Variants in MIS18A observed in about 807,000 individuals in gnomAD.
MIS18A encodes MIS18 kinetochore protein A.
MIS18A carries 14 observed loss-of-function variants against 25.0 expected under a neutral mutation model. The ratio of observed to expected loss-of-function variants is 0.56; its 90% CI spans 0.37 to 0.88. MIS18A has a LOEUF of 0.88. MIS18A is among the 40% of genes least tolerant of loss of function. The pLI, the probability that MIS18A is intolerant of heterozygous loss-of-function variation, is 0.00. For synonymous variants in MIS18A, 134 were observed against 118.6 expected (o/e 1.13, Z -0.84); for missense variants, 292 against 290.8 (o/e 1.00, Z -0.03).
intron 1 of MIS18A, among the ~76,000 whole-genome samples, chr21:32,275,571 T>C (rs2031794236): frequency 1.3e-5 from 2 of 152,066 alleles, no homozygotes; most frequent in African/African-American, 4.8e-5. Flanking sequence ...GCAGCAAACA[T>C]TCCCAAAGAA....
In MIS18A at chr21:32,270,438, AGT is replaced by A; in HGVS notation, c.491_492del (p.Asp164ValfsTer7). The A allele has an allele frequency of 1.9e-6, 3 of 1,613,958 alleles. No individual in the cohort carries two copies. Among genetic ancestry groups the A allele is most frequent in the Non-Finnish European group, 2.5e-6 (3 of 1,179,952 alleles). On this transcript the variant is annotated frameshift_variant, in exon 3 of 5. Transcript: ENST00000290130. LOFTEE classifies it high-confidence loss of function. ...CTPKNLDYKR[D>X]LFCLSVEAIE... ...ATGGCTTCAACACTGAGGCAAAACA[AGT>A]CTCTCTTGTAATCAAGATTCTTGGG...
the MIS18A span, among the ~76,000 whole-genome samples, chr21:32,231,180 G>C: frequency 6.7e-6 from 1 of 149,864 alleles, no homozygotes; most frequent in Non-Finnish European, 1.5e-5. Flanking sequence ...AGGTTGCAGT[G>C]AGCCAAGATT....
At chr21:32,216,526 G>A in the MIS18A span, among the ~76,000 whole-genome samples, 1 of 152,220 alleles carries the variant, frequency 6.6e-6, no homozygotes, top group Non-Finnish European at 1.5e-5. Flanking sequence ...GATAGCAGTT[G>A]GGGCAAATAA....
At chr21:32,165,338 A>G in the MIS18A span, among the ~76,000 whole-genome samples, 1 of 152,126 alleles carries the variant, frequency 6.6e-6, no homozygotes, top group Non-Finnish European at 1.5e-5. Flanking sequence ...ATAGAAGCCC[A>G]AATTGAGAGA....
intron 1 of MIS18A, among the ~76,000 whole-genome samples, chr21:32,275,837 T>G (rs958581830): frequency 2.6e-5 from 4 of 152,004 alleles, no homozygotes; most frequent in African/African-American, 7.2e-5. Context: ...CTCACAAACT[T>G]CACTCCAGCC....
At chr21:32,253,636 T>C in the MIS18A span, among the ~76,000 whole-genome samples, 1 of 152,012 alleles carries the variant, frequency 6.6e-6, no homozygotes, top group African/African-American at 2.4e-5. Flanking sequence ...CTGCCCCCAC[T>C]GCAATCACAC....
the MIS18A span, among the ~76,000 whole-genome samples, chr21:32,169,793 G>T: frequency 6.6e-6 from 1 of 152,006 alleles, no homozygotes; most frequent in Non-Finnish European, 1.5e-5. Context: ...AGCTTTAGTG[G>T]CCACACACAA....
chr21:32,244,006 A>G, the MIS18A span, among the ~76,000 whole-genome samples: 2 of 152,282 alleles, frequency 1.3e-5, no homozygotes, highest in South Asian at 4.1e-4. Context: ...AAAACTGGAA[A>G]CCACCCAGAT....
the MIS18A span, among the ~76,000 whole-genome samples, chr21:32,228,608 ACACACACACATG>A: frequency 6.6e-6 from 1 of 152,072 alleles, no homozygotes; most frequent in African/African-American, 2.4e-5. Flanking sequence ...CCTAAGGAAT[ACACACACACATG>A]CACACACACC....
chr21:32,222,927 TC>T, the MIS18A span, among the ~76,000 whole-genome samples: 3 of 98,126 alleles, frequency 3.1e-5, no homozygotes, highest in Admixed American at 4.1e-4. Context: ...AGAACAAGAC[TC>T]CGTCTCAAAA....
At chr21:32,164,734 CTGAACAAAATTATA>C in the MIS18A span, among the ~76,000 whole-genome samples, 1 of 151,792 alleles carries the variant, frequency 6.6e-6, no homozygotes, top group African/African-American at 2.4e-5. Context: ...CTGCGGTCAT[CTGAACAAAATTATA>C]GAGACATCCA....
chr21:32,245,820 C>T, the MIS18A span, among the ~76,000 whole-genome samples: 1 of 152,174 alleles, frequency 6.6e-6, no homozygotes, highest in Non-Finnish European at 1.5e-5. Context: ...ACTCAGCCTC[C>T]CTCTGCCCCT....
At chr21:32,212,533 C>T in the MIS18A span, among the ~76,000 whole-genome samples, 3 of 152,098 alleles carry the variant, frequency 2.0e-5, no homozygotes, top group African/African-American at 7.2e-5. Context: ...TCAGGTGTGC[C>T]GTGACTGAGG....
chr21:32,262,904 G>A, the MIS18A span, among the ~76,000 whole-genome samples: 3 of 151,936 alleles, frequency 2.0e-5, no homozygotes, highest in Non-Finnish European at 2.9e-5. Flanking sequence ...CTCTACCTTC[G>A]AGCTTATCAC....
the MIS18A span, among the ~76,000 whole-genome samples, chr21:32,216,429 T>C: frequency 6.6e-6 from 1 of 152,232 alleles, no homozygotes; most frequent in African/African-American, 2.4e-5. Context: ...CTTTATGTGA[T>C]GTGACTCAGA....
the MIS18A span, among the ~76,000 whole-genome samples, chr21:32,242,391 A>G: frequency 6.6e-6 from 1 of 152,190 alleles, no homozygotes; most frequent in African/African-American, 2.4e-5. Context: ...TTAGGTATAA[A>G]TATACATCAT....
the MIS18A span, among the ~76,000 whole-genome samples, chr21:32,204,498 G>GA: frequency 1.4e-5 from 2 of 143,112 alleles, no homozygotes; most frequent in South Asian, 2.2e-4. Flanking sequence ...TTCCATCTCA[G>GA]AAAAAAAAGA....
At chr21:32,164,074 G>C in the MIS18A span, among the ~76,000 whole-genome samples, 1 of 152,116 alleles carries the variant, frequency 6.6e-6, no homozygotes, top group Non-Finnish European at 1.5e-5. Context: ...TCATTACCAT[G>C]TGAGGACTGC....
the MIS18A span, among the ~76,000 whole-genome samples, chr21:32,214,527 T>G: frequency 6.6e-6 from 1 of 152,182 alleles, no homozygotes; most frequent in Admixed American, 6.5e-5. Context: ...TTTAAAAGCT[T>G]TTTGTCTTCT....
Sources: gnomAD v4.1 joint callset for allele counts (sites outside exome capture counted in the v4.1 genomes callset) on GRCh38, gnomAD v4.1.1 for gene constraint, MANE v1.5 for transcripts, NCBI Gene and HGNC (gene_info 2026-07-23, HGNC 2026-07-21) for gene names.